PLXNA1: variants seen among roughly 807,000 people sequenced by gnomAD.
The protein encoded by PLXNA1 is plexin A1.
In PLXNA1, 77 loss-of-function variants were observed where a neutral mutation model predicts 191.7. The observed-to-expected ratio is 0.40, with a 90% CI of 0.33 to 0.49. The LOEUF is 0.49. PLXNA1 is among the 20% of genes least tolerant of loss of function. The pLI is 0.63. For synonymous variants in PLXNA1, 1,137 were observed against 1,156.4 expected (o/e 0.98, Z 0.34); for missense variants, 2,110 against 2,660.2 (o/e 0.79, Z 4.55).
Position 127,015,230 on chromosome 3 carries a change from G to C in PLXNA1, c.2924G>C (p.Gly975Ala). 1 of 1,613,620 alleles carries C rather than the reference G, an allele frequency of 6.2e-7. No individual in the cohort carries two copies. Among genetic ancestry groups the C allele is most frequent in the Non-Finnish European group, 8.5e-7 (1 of 1,179,904 alleles). ...RVSPSRGPLS[G>A]GTWIGIEGSH... ...AGCCCCTCCCGTGGGCCTCTGTCAG[G>C]GGGCACCTGGATTGGCATCGAGGGA... The change falls in exon 15 of 32, where the codon GGG becomes GCG. Residue 975 changes from glycine to alanine, a missense_variant. Transcript: ENST00000393409.
At chr3:126,999,449 AG>A (rs2107624649) in intron 3 of PLXNA1, among the ~76,000 whole-genome samples, 1 of 152,198 alleles carries the variant, frequency 6.6e-6, no homozygotes, top group East Asian at 1.9e-4. Context: ...ATCATGGGGC[AG>A]GCAGAGTTGG....
chr3:127,017,146 C>T, intron 17 of PLXNA1, 109 bp downstream of exon 17: 1 of 1,099,536 alleles, frequency 9.1e-7, no homozygotes, highest in Admixed American at 2.3e-5. Context: ...TGCCCCTTCC[C>T]AGCTTATGCC....
Position 127,009,949 on chromosome 3 carries a change from A to G in PLXNA1, c.2113-2009A>G, listed in dbSNP as rs372568607. 6.6e-5 allele frequency among the ~76,000 whole-genome samples: 10 copies of G among 152,360 alleles called. No individual in the cohort carries two copies. In the East Asian group the frequency reaches 1.9e-3, roughly 29 times the overall value. On this transcript the variant is annotated intron_variant, in intron 9 of 31. Transcript: ENST00000393409. Reference sequence around the variant, plus strand: ...AGAAATGCCTGTTTCTGGACTCTGCAGAAAGGGAGGAGTGTGGTTCGTGTC... The same window carrying G: ...AGAAATGCCTGTTTCTGGACTCTGCGGAAAGGGAGGAGTGTGGTTCGTGTC...
intron 9 of PLXNA1, among the ~76,000 whole-genome samples, chr3:127,009,192 C>T (rs992850167): frequency 1.3e-5 from 2 of 151,774 alleles, no homozygotes; most frequent in Non-Finnish European, 2.9e-5. Flanking sequence ...GCACAGTGGT[C>T]GTCAGGGGTG....
intron 9 of PLXNA1, among the ~76,000 whole-genome samples, chr3:127,008,444 G>A (rs938606638): frequency 6.6e-6 from 1 of 152,168 alleles, no homozygotes; most frequent in Non-Finnish European, 1.5e-5. Context: ...AATTATTCTG[G>A]GCTGGGCAAG....
At position 127,006,114 on chromosome 3, in the gene PLXNA1, A is replaced by G. The variant is rs747849794; in HGVS notation, c.1933A>G (p.Lys645Glu). The change falls in exon 8 of 32, where the codon AAG (lysine) becomes GAG (glutamate). Residue 645 changes from lysine (K) to glutamate (E), a missense_variant. Physicochemically the swap from Lys to Glu is moderately conservative, Grantham distance 56. Transcript: ENST00000393409. ...QRVVKLYLKS[K>E]ETGKKFASVD... ...GGTGGTGAAACTCTACCTAAAGTCC[A>G]AGGAGACAGGGAAGAAGTTTGCGTC... The G allele has an allele frequency of 1.2e-6, 2 of 1,613,776 alleles. No homozygotes were observed. Among genetic ancestry groups the G allele is most frequent in the African/African-American group, 1.3e-5 (1 of 74,940 alleles).
At position 126,988,627 on chromosome 3, in the gene PLXNA1, C is replaced by A. The variant is rs1480292546; in HGVS notation, c.34C>A (p.Leu12Met). ...PLPPRSLQVL[L>M]LLLLLLLLLP... is the part of the protein sequence containing the mutation. Reference sequence around the variant, plus strand: ...GCCACCGCGGAGCCTGCAGGTGCTCCTGCTGCTGCTGCTGTTGCTGCTGCT... The same window carrying A: ...GCCACCGCGGAGCCTGCAGGTGCTCATGCTGCTGCTGCTGTTGCTGCTGCT... Residue 12 changes from leucine (L) to methionine (M), a missense_variant, in exon 2 of 32, where the codon CTG (leucine) becomes ATG (methionine). Coordinates refer to ENST00000393409, the MANE Select transcript of PLXNA1 (RefSeq NM_032242.4). 9 of 1,537,962 alleles carry A rather than the reference C, an allele frequency of 5.9e-6. No homozygotes were observed. The East Asian group carries it at 1.6e-4, about 28-fold the overall frequency.
intron 2 of PLXNA1, 134 bp from the exon 3 acceptor site, chr3:126,991,249 TG>T: frequency 1.1e-6 from 1 of 885,456 alleles, no homozygotes; most frequent in East Asian, 2.7e-5. Flanking sequence ...AAACCCTCTC[TG>T]TCTGCACCTC....
intron 23 of PLXNA1, among the ~76,000 whole-genome samples, chr3:127,025,101 G>A (rs1195027683): frequency 6.6e-6 from 1 of 152,100 alleles, no homozygotes; most frequent in Non-Finnish European, 1.5e-5. Context: ...TCGTTTCTGT[G>A]CGGGCTCACT....
chr3:127,016,879 CCA>C (rs1372283362), intron 16 of PLXNA1, 63 bp from the exon 17 acceptor site: 2 of 1,467,832 alleles, frequency 1.4e-6, no homozygotes, highest in East Asian at 4.5e-5. Flanking sequence ...GAGCTGTGGC[CCA>C]CGTTTCCAGC....
At chr3:127,002,127 C>T (rs1054148286) in intron 3 of PLXNA1, among the ~76,000 whole-genome samples, 2 of 152,198 alleles carry the variant, frequency 1.3e-5, no homozygotes, top group Non-Finnish European at 2.9e-5. Context: ...GCTCCTGGGC[C>T]GCCCGCTGTC....
At position 127,022,242 on chromosome 3, in the gene PLXNA1, G is replaced by T; in HGVS notation, c.4196G>T (p.Gly1399Val). The change falls in exon 22 of 32, where the codon GGC becomes GTC. Residue 1399 changes from glycine (G) to valine (V), a missense_variant. By Grantham distance (109) the Gly-to-Val change is moderately radical. Coordinates refer to ENST00000393409, the MANE Select transcript of PLXNA1 (RefSeq NM_032242.4). ...VASLIMTALQGEMEYATGVLK... is the reference protein window; with the variant it reads ...VASLIMTALQVEMEYATGVLK... ...TCGCTCATCATGACGGCCCTGCAGGGCGAGATGGAATACGCCACAGGCGTG... is the reference window on the plus strand; with the variant it reads ...TCGCTCATCATGACGGCCCTGCAGGTCGAGATGGAATACGCCACAGGCGTG... The T allele has an allele frequency of 6.2e-7, 1 of 1,613,534 alleles. No homozygotes were observed. Among genetic ancestry groups the T allele is most frequent in the East Asian group, 2.2e-5 (1 of 44,884 alleles).
rs555920531 is a variant in PLXNA1 at position 127,001,513 on chromosome 3, G to A, written c.1378-1817G>A. ...GGGCTGGGCTTCACAGCGGGAAGCC[G>A]CTGGGGATATCCACAGGACTGTGAG... is the stretch of plus-strand genomic sequence containing the variant. On this transcript the variant is annotated intron_variant, in intron 3 of 31. Coordinates refer to ENST00000393409, the MANE Select transcript of PLXNA1 (RefSeq NM_032242.4). Among the ~76,000 whole-genome samples, 292 of 152,340 alleles carry A rather than the reference G, an allele frequency of 1.9e-3. 1 individual carries two copies. Among genetic ancestry groups the A allele is most frequent in the African/African-American group, 6.6e-3 (273 of 41,586 alleles).
At chr3:126,984,305 G>A (rs1038404133) in intron 1 of PLXNA1, among the ~76,000 whole-genome samples, 1 of 152,220 alleles carries the variant, frequency 6.6e-6, no homozygotes, top group Non-Finnish European at 1.5e-5. Flanking sequence ...TGTGTGTGCC[G>A]GGGAGGGGAC....
chr3:127,032,443 T>C lies in PLXNA1; in HGVS notation c.5288T>C (p.Ile1763Thr), dbSNP rs534676304. The change falls in exon 30 of 32, where the codon ATT (isoleucine) becomes ACT (threonine). Residue 1763 changes from isoleucine (I) to threonine (T), a missense_variant. Ile to Thr is a moderately conservative substitution (Grantham distance 89). This residue lies in a region of PLXNA1 where 559 missense variants were observed against 911.5 expected (regional missense o/e 0.61). Transcript: ENST00000393409. ...VIKNPQFVFD[I>T]HKNSITDACL... ...AAGAACCCACAGTTTGTGTTCGACA[T>C]TCACAAGAACAGCATCACGGACGCC... 6.2e-7 allele frequency: 1 copy of C among 1,613,928 alleles called. No homozygotes were observed. Among genetic ancestry groups the C allele is most frequent in the East Asian group, 2.2e-5 (1 of 44,860 alleles).
At position 127,017,668 on chromosome 3, in the gene PLXNA1, G is replaced by C. The variant is rs773110059; in HGVS notation, c.3516+4G>C. The stretch of plus-strand genomic sequence containing the variant: ...CAGCTCCCCACTCATCCTCAAGGTG[G>C]GTCACCATTGCCCGTAGGCTGGGCC... On this transcript the variant is annotated splice_donor_region_variant and intron_variant, in intron 18 of 31. Coordinates refer to ENST00000393409, the MANE Select transcript of PLXNA1 (RefSeq NM_032242.4). 9.3e-6 allele frequency: 15 copies of C among 1,613,142 alleles called. No individual in the cohort carries two copies. Among genetic ancestry groups the C allele is most frequent in the African/African-American group, 6.7e-5 (5 of 74,898 alleles).
At chr3:127,016,000 G>A (rs547198438) in intron 15 of PLXNA1, among the ~76,000 whole-genome samples, 1 of 152,172 alleles carries the variant, frequency 6.6e-6, no homozygotes, top group South Asian at 2.1e-4. Flanking sequence ...TAGTAGGAGT[G>A]GGTGCTGGGC....
chr3:127,018,134 C>T (rs1459194158), intron 19 of PLXNA1, among the ~76,000 whole-genome samples, 160 bp from the exon 20 acceptor site: 1 of 152,148 alleles, frequency 6.6e-6, no homozygotes, highest in Non-Finnish European at 1.5e-5. Flanking sequence ...AGGCGCCTGC[C>T]CTGGGTCCCA....
Position 127,034,188 on chromosome 3 carries a change from G to C in PLXNA1, c.*171G>C. On this transcript the variant is annotated 3_prime_UTR_variant, in exon 32 of 32. Transcript: ENST00000393409. ...ACCCGGTCGGGTCCCGGCTCTTCCTGTGTGGAGGTGATGGTACCTGCCACA... is the reference window on the plus strand; with the variant it reads ...ACCCGGTCGGGTCCCGGCTCTTCCTCTGTGGAGGTGATGGTACCTGCCACA... 1 of 590,752 alleles carries C rather than the reference G, an allele frequency of 1.7e-6. No individual in the cohort carries two copies. 36.6% of individuals were successfully genotyped at this position (590,752 alleles called of 1,614,324 possible). A position where few individuals can be genotyped will look rare whatever the true frequency, so the allele number is the denominator to read the frequency against.
Sources: gnomAD v4.1 joint callset for allele counts (sites outside exome capture counted in the v4.1 genomes callset) on GRCh38, gnomAD v4.1.1 for gene constraint, gnomAD v4.1.1 regional missense constraint, MANE v1.5 for transcripts, NCBI Gene and HGNC (gene_info 2026-07-23, HGNC 2026-07-21) for gene names.